ARAP2: variants seen among roughly 807,000 people sequenced by gnomAD.
ARAP2 encodes arf-GAP with Rho-GAP domain, ANK repeat and PH domain-containing protein 2.
A neutral mutation model predicts 194.5 loss-of-function variants in ARAP2; 148 were observed. That is an observed-to-expected ratio of 0.76 (90% CI 0.67 to 0.87). The LOEUF (loss-of-function observed/expected upper bound fraction) is 0.87, where lower values mean the gene tolerates loss of function less well. Among genes scored for constraint, ARAP2 ranks in the 40% least tolerant of loss-of-function variants. The pLI is 0.00. For missense variants in ARAP2, 2,128 were observed against 1,989.7 expected (o/e 1.07, Z -1.32); for synonymous variants, 695 against 683.5 (o/e 1.02, Z -0.26).
intron 2 of ARAP2, among the ~76,000 whole-genome samples, chr4:36,053,105 T>G (rs1722953601): frequency 6.6e-6 from 1 of 151,828 alleles, no homozygotes; most frequent in Admixed American, 6.6e-5. Flanking sequence ...CCTCCCGGGT[T>G]CAAGCGATTC....
chr4:36,005,622 A>G (rs1241927531), intron 10 of ARAP2: 2 of 152,180 alleles, frequency 1.3e-5, no homozygotes, highest in Non-Finnish European at 2.9e-5. Context: ...AAAATTTTAT[A>G]TTATACAATT....
At chr4:36,244,598 G>C (rs1415314562), upstream of ARAP2, 1 of 151,458 alleles carries the variant, frequency 6.6e-6, no homozygotes, top group African/African-American at 2.4e-5. Flanking sequence ...GGCCTCCCTG[G>C]TTCCGCAGCA....
intron 5 of ARAP2, among the ~76,000 whole-genome samples, chr4:36,027,221 C>CA (rs1425656568): frequency 6.6e-6 from 1 of 151,872 alleles, no homozygotes; most frequent in East Asian, 1.9e-4. Flanking sequence ...AGGTAGGTAC[C>CA]ATATATTATC....
At chr4:36,075,893 A>C (rs188911797) in intron 31 of ARAP2, among the ~76,000 whole-genome samples, 1 of 152,156 alleles carries the variant, frequency 6.6e-6, no homozygotes, top group African/African-American at 2.4e-5. Flanking sequence ...ACTGCCTTGA[A>C]GTTCTACCAT....
chr4:36,144,920 A>G (rs146719173), intron 19 of ARAP2, among the ~76,000 whole-genome samples: 2 of 151,994 alleles, frequency 1.3e-5, no homozygotes, highest in African/African-American at 4.8e-5. Context: ...CTTCCACTTA[A>G]TGAATAGTAA....
At chr4:36,017,682 G>A (rs1340652943) in intron 6 of ARAP2, among the ~76,000 whole-genome samples, 1 of 149,162 alleles carries the variant, frequency 6.7e-6, no homozygotes, top group Non-Finnish European at 1.5e-5. Context: ...TAAATCTCAT[G>A]ACTGCAGTGT....
At chr4:36,075,018 G>T (rs1334414199) in intron 31 of ARAP2, among the ~76,000 whole-genome samples, 2 of 152,040 alleles carry the variant, frequency 1.3e-5, no homozygotes, top group South Asian at 2.1e-4. Context: ...ATAATGGTAG[G>T]TTATACAGTA....
chr4:36,224,377 C>T lies in ARAP2; in HGVS notation c.905+4205G>A, dbSNP rs867135577. Among the ~76,000 whole-genome samples, 73 of 149,836 alleles carry T rather than the reference C, an allele frequency of 4.9e-4. 1 individual carries two copies. The highest frequency in any genetic ancestry group is 7.0e-3 in the Middle Eastern group (2 of 284). ...TTTCATAATATCTAACTAAAACAGACAAATCTGAATTCAGAAAGCATGAGA... is the reference window on the plus strand; with the variant it reads ...TTTCATAATATCTAACTAAAACAGATAAATCTGAATTCAGAAAGCATGAGA... On this transcript the variant is annotated intron_variant, in intron 2 of 32. Coordinates refer to ENST00000303965, the MANE Select transcript of ARAP2 (RefSeq NM_015230.4).
rs763361889 is a variant in ARAP2 at position 36,210,700 on chromosome 4, C to T, written c.1177G>A (p.Glu393Lys). 5.0e-6 allele frequency: 8 copies of T among 1,608,696 alleles called. No homozygotes were observed. The Admixed American group carries it at 5.1e-5, about 10-fold the overall frequency. ...RKEKISEDKVEDIWIPREDKN... is the reference protein window; with the variant it reads ...RKEKISEDKVKDIWIPREDKN... Reference sequence around the variant, plus strand: ...TCCTCTCGAGGTATCCAAATATCTTCCACCTTGTCCTCGCTTATTTTCTCC... The same window carrying T: ...TCCTCTCGAGGTATCCAAATATCTTTCACCTTGTCCTCGCTTATTTTCTCC... The change falls in exon 6 of 33, where the codon GAA (glutamate) becomes AAA (lysine). Residue 393 changes from glutamate to lysine, a missense_variant. Coordinates refer to ENST00000303965, the MANE Select transcript of ARAP2 (RefSeq NM_015230.4).
At chr4:36,171,348 T>G (rs890065288) in intron 9 of ARAP2, among the ~76,000 whole-genome samples, 25 of 152,140 alleles carry the variant, frequency 1.6e-4, no homozygotes, top group African/African-American at 6.0e-4. Context: ...CCATAAAAAA[T>G]GAAGAGTTCA....
intron 28 of ARAP2, among the ~76,000 whole-genome samples, chr4:36,084,256 G>A (rs748409303): frequency 2.6e-5 from 4 of 151,960 alleles, no homozygotes; most frequent in Non-Finnish European, 4.4e-5. Flanking sequence ...TCCCTCTAGA[G>A]GACCCTGACC....
At chr4:36,080,160 A>G in intron 31 of ARAP2, 56 bp downstream of exon 31, 4 of 1,451,296 alleles carry the variant, frequency 2.8e-6, no homozygotes, top group Non-Finnish European at 3.8e-6. Context: ...TCACACTAAC[A>G]TTTCCTGTAA....
intron 11 of ARAP2, 38 bp from the exon 12 acceptor site, chr4:36,161,588 G>A (rs559671055): frequency 4.8e-5 from 73 of 1,519,682 alleles, no homozygotes; most frequent in Non-Finnish European, 6.2e-5. Context: ...ATTTTAATTT[G>A]TATGTAAATT....
intron 20 of ARAP2, among the ~76,000 whole-genome samples, chr4:36,131,368 CAT>C (rs974687093): frequency 2.0e-5 from 3 of 149,908 alleles, no homozygotes; most frequent in Non-Finnish European, 4.4e-5. Context: ...AAATATGACA[CAT>C]ATTTATATAT....
chr4:36,228,459 G>C, intron 2 of ARAP2, 123 bp downstream of exon 2: 1 of 1,008,520 alleles, frequency 9.9e-7, no homozygotes, highest in Non-Finnish European at 1.4e-6. Context: ...AAAAGAAAAG[G>C]TTGGTTGAAT....
intron 1 of ARAP2, among the ~76,000 whole-genome samples, chr4:36,239,137 A>G (rs181574504): frequency 1.3e-5 from 2 of 152,176 alleles, no homozygotes; most frequent in East Asian, 1.9e-4. Context: ...TTAGCAGGGC[A>G]TGGTGGCACA....
At chr4:36,082,197 T>C in intron 30 of ARAP2, 54 bp downstream of exon 30, 1 of 1,502,728 alleles carries the variant, frequency 6.7e-7, no homozygotes, top group South Asian at 1.2e-5. Flanking sequence ...ATTATTCTTT[T>C]CCTGAAATTG....
chr4:36,133,451 A>T, intron 19 of ARAP2, 62 bp from the exon 20 acceptor site: 1 of 1,431,350 alleles, frequency 7.0e-7, no homozygotes, highest in Non-Finnish European at 9.6e-7. Flanking sequence ...ATCTTACTCC[A>T]AGACAGATTA....
intron 12 of ARAP2, 61 bp downstream of exon 12, chr4:36,161,404 C>T: frequency 7.1e-7 from 1 of 1,400,514 alleles, no homozygotes; most frequent in East Asian, 2.3e-5. Flanking sequence ...CAGCAAACCT[C>T]CTCCCAGTCT....
Sources: allele counts gnomAD v4.1 joint callset (sites outside exome capture counted in the v4.1 genomes callset), GRCh38; gene constraint gnomAD v4.1.1; transcripts MANE v1.5; gene names NCBI Gene and HGNC (gene_info 2026-07-23, HGNC 2026-07-21).